The following UGT1A9 variants were observed in gnomAD, a reference collection of about 807,000 sequenced individuals.
UGT1A9 encodes the protein UDP-glucuronosyltransferase 1A9.
UGT1A9 carries 35 observed loss-of-function variants against 45.0 expected under a neutral mutation model. That is an observed-to-expected ratio of 0.78 (90% CI 0.59 to 1.03). The LOEUF is 1.03. Among genes scored for constraint, UGT1A9 ranks in the 50% least tolerant of loss-of-function variants. The pLI is 0.00. For missense variants in UGT1A9, 687 were observed against 666.6 expected, an observed-to-expected ratio of 1.03 and a Z score of -0.34; for synonymous variants, 278 against 250.6, an observed-to-expected ratio of 1.11 and a Z score of -1.03.
At chr2:233,760,854 A>G (rs1484529222) in intron 1 of UGT1A9, 1 of 1,613,796 alleles carries the variant, frequency 6.2e-7, no homozygotes, top group Non-Finnish European at 8.5e-7. Context: ...GCCCCAACCC[A>G]TTCTCCTACG....
chr2:233,745,338 A>T lies in UGT1A9; in HGVS notation c.856-21696A>T, dbSNP rs565612187. Among the ~76,000 whole-genome samples, 7 of 151,968 alleles carry T rather than the reference A, an allele frequency of 4.6e-5. No individual in the cohort carries two copies. The East Asian group carries it at 1.2e-3, about 25-fold the overall frequency. ...CCACTAGAACTGCTATATCATGACC[A>T]TGAATTTTGGGGGAATTTTTTTGAG... On this transcript the variant is annotated intron_variant, in intron 1 of 4. Transcript: ENST00000354728.
chr2:233,733,547 C>T (rs1401564261), intron 1 of UGT1A9, among the ~76,000 whole-genome samples: 1 of 152,178 alleles, frequency 6.6e-6, no homozygotes, highest in African/African-American at 2.4e-5. Context: ...AAGGCCTTTT[C>T]TGCATCTGTT....
At chr2:233,736,701 G>T (rs1378628991) in intron 1 of UGT1A9, among the ~76,000 whole-genome samples, 1 of 152,172 alleles carries the variant, frequency 6.6e-6, no homozygotes, top group Non-Finnish European at 1.5e-5. Context: ...ATGGGGTTTT[G>T]GTGTAGATGT....
intron 1 of UGT1A9, chr2:233,761,181 G>A (rs539737168): frequency 1.9e-5 from 31 of 1,614,124 alleles, no homozygotes; most frequent in East Asian, 2.2e-5. Flanking sequence ...TTTTACATGC[G>A]TATATTCTTT....
intron 1 of UGT1A9, chr2:233,761,233 T>C: frequency 6.2e-7 from 1 of 1,613,114 alleles, no homozygotes; most frequent in Non-Finnish European, 8.5e-7. Context: ...CCCAGATATA[T>C]GCTGAGCAAG....
At chr2:233,697,646 C>T (rs1000936615) in intron 1 of UGT1A9, among the ~76,000 whole-genome samples, 2 of 150,654 alleles carry the variant, frequency 1.3e-5, no homozygotes, top group African/African-American at 4.9e-5. Context: ...TTTTTAGTTC[C>T]TTGAGGTGCA....
At position 233,747,700 on chromosome 2, in the gene UGT1A9, A is replaced by G. The variant is rs538337941; in HGVS notation, c.856-19334A>G. On this transcript the variant is annotated intron_variant, in intron 1 of 4. Transcript: ENST00000354728. ...TACCTCTGTGGGGCAGTGCTGGCTA[A>G]GTACCTATCAATTCCTGCTGTGTTT... 8 of 1,612,196 alleles carry G rather than the reference A, an allele frequency of 5.0e-6. No individual in the cohort carries two copies. In the East Asian group the frequency reaches 8.9e-5, roughly 18 times the overall value.
rs1699804309 is a variant in UGT1A9, at chr2:233,769,169, A to G, written c.1295+730A>G. Among the ~76,000 whole-genome samples, 1 of 152,236 alleles carries G rather than the reference A, an allele frequency of 6.6e-6. No individual in the cohort carries two copies. The highest frequency in any genetic ancestry group is 2.1e-4 in the South Asian group (1 of 4,828). On this transcript the variant is annotated intron_variant, in intron 4 of 4. Coordinates refer to ENST00000354728, the MANE Select transcript of UGT1A9 (RefSeq NM_021027.3). The surrounding 1 kb of genome is among the most constrained non-coding windows in gnomAD (Gnocchi z 4.4). ...CTGGAACCTGTGAGAAATTTTGTCC[A>G]TGGAGTTTATGAATGAAGGAGCTAT...
chr2:233,729,701 C>G, intron 1 of UGT1A9: 1 of 1,613,960 alleles, frequency 6.2e-7, no homozygotes. Flanking sequence ...AACCCTTCCT[C>G]CTATATTCCT....
chr2:233,719,820 C>G, intron 1 of UGT1A9: 1 of 1,571,826 alleles, frequency 6.4e-7, no homozygotes, highest in Non-Finnish European at 8.6e-7. Context: ...AACAGATAAA[C>G]TGTTGAGGGG....
At chr2:233,741,418 C>T (rs1400059458) in intron 1 of UGT1A9, 1 of 151,750 alleles carries the variant, frequency 6.6e-6, no homozygotes, top group Non-Finnish European at 1.5e-5. Context: ...TGAACTGCTC[C>T]AAAAGCAAAC....
At position 233,713,288 on chromosome 2, in the gene UGT1A9, G is replaced by A. The variant is rs767329942; in HGVS notation, c.855+40499G>A. ...GCCTTTTGCTGGGTCACACTCAATC[G>A]TTCTTTGAAACAGAACATCTTCTGA... On this transcript the variant is annotated intron_variant, in intron 1 of 4. Coordinates refer to ENST00000354728, the MANE Select transcript of UGT1A9 (RefSeq NM_021027.3). 15 of 1,614,084 alleles carry A rather than the reference G, an allele frequency of 9.3e-6. 1 individual carries two copies. The highest frequency in any genetic ancestry group is 6.6e-5 in the South Asian group (6 of 91,090).
chr2:233,731,447 C>A (rs113893267), intron 1 of UGT1A9, among the ~76,000 whole-genome samples: 5,926 of 152,214 alleles, frequency 0.039, 357 homozygotes, highest in African/African-American at 0.13. Flanking sequence ...TCCCCCACCC[C>A]ACAACAGGCC....
intron 1 of UGT1A9, among the ~76,000 whole-genome samples, chr2:233,738,487 G>C (rs2125816251): frequency 6.6e-6 from 1 of 152,316 alleles, no homozygotes; most frequent in African/African-American, 2.4e-5. Flanking sequence ...GAGACTTGTT[G>C]AACGGTTTTG....
At chr2:233,739,292 G>A (rs907438916) in intron 1 of UGT1A9, among the ~76,000 whole-genome samples, 2 of 152,186 alleles carry the variant, frequency 1.3e-5, no homozygotes, top group African/African-American at 4.8e-5. Flanking sequence ...AGTCTCCACT[G>A]GGGCACTGCC....
rs1357806418 is a variant in UGT1A9 at position 233,725,294 on chromosome 2, A to G, written c.856-41740A>G. ...CAGAGGCAGAGGCAGAGGCAGAGGC[A>G]GAGGCAGAGGCAGAGGCAGAGGCGC... On this transcript the variant is annotated intron_variant, in intron 1 of 4. Coordinates refer to ENST00000354728, the MANE Select transcript of UGT1A9 (RefSeq NM_021027.3). 6.7e-5 allele frequency among the ~76,000 whole-genome samples: 7 copies of G among 104,870 alleles called. 1 individual carries two copies. The highest frequency in any genetic ancestry group is 6.5e-4 in the South Asian group (2 of 3,086). The allele number at this position is 104,870 out of a possible 152,430, so 68.8% of individuals were successfully genotyped here. A position where few individuals can be genotyped will look rare whatever the true frequency, so the allele number is the denominator to read the frequency against.
chr2:233,736,695 G>A (rs1463496904), intron 1 of UGT1A9, among the ~76,000 whole-genome samples: 1 of 152,174 alleles, frequency 6.6e-6, no homozygotes, highest in Admixed American at 6.5e-5. Context: ...CTACAGATGG[G>A]GTTTTGGTGT....
At chr2:233,727,674 T>G (rs183043459) in intron 1 of UGT1A9, among the ~76,000 whole-genome samples, 1 of 152,276 alleles carries the variant, frequency 6.6e-6, no homozygotes, top group East Asian at 1.9e-4. Context: ...CCTTACAAAT[T>G]CCCAGGAATC....
chr2:233,688,674 T>A (rs942176177), intron 1 of UGT1A9, among the ~76,000 whole-genome samples: 48 of 152,316 alleles, frequency 3.2e-4, no homozygotes, highest in African/African-American at 8.9e-4. Flanking sequence ...GGCTCTTTTT[T>A]AAAAAATTTA....
Sources: allele counts gnomAD v4.1 joint callset (sites outside exome capture counted in the v4.1 genomes callset), GRCh38; gene constraint gnomAD v4.1.1; non-coding constraint Gnocchi (gnomAD v3.1); transcripts MANE v1.5; gene names NCBI Gene and HGNC (gene_info 2026-07-23, HGNC 2026-07-21).